The following ZNF254 variants were observed in gnomAD, a reference collection of about 807,000 sequenced individuals.
ZNF254 encodes the protein CTD-2017D11.1.
A neutral mutation model predicts 12.4 loss-of-function variants in ZNF254; 10 were observed. The ratio of observed to expected loss-of-function variants is 0.80; its 90% CI spans 0.50 to 1.36. The LOEUF (loss-of-function observed/expected upper bound fraction) is 1.36, where lower values mean the gene tolerates loss of function less well. ZNF254 is among the 40% of genes most tolerant of loss of function. The pLI, the probability that ZNF254 is intolerant of heterozygous loss-of-function variation, is 0.00. For synonymous variants in ZNF254, 305 were observed against 253.4 expected, an observed-to-expected ratio of 1.20 and a Z score of -1.93; for missense variants, 996 against 763.9, an observed-to-expected ratio of 1.30 and a Z score of -3.58.
At chr19:24,096,472 G>C (rs1313867921) in intron 1 of ZNF254, among the ~76,000 whole-genome samples, 2 of 152,098 alleles carry the variant, frequency 1.3e-5, no homozygotes, top group Non-Finnish European at 2.9e-5. Context: ...AATTGTATCA[G>C]TTGTTTTATT....
intron 3 of ZNF254, among the ~76,000 whole-genome samples, chr19:24,120,166 C>T (rs1974380911): frequency 6.6e-6 from 1 of 152,042 alleles, no homozygotes; most frequent in South Asian, 2.1e-4. Context: ...GGAAAACTGC[C>T]TTATAAAGCC....
chr19:24,037,335 C>A (rs945420888), intron 1 of ZNF254, among the ~76,000 whole-genome samples: 1 of 152,190 alleles, frequency 6.6e-6, no homozygotes, highest in African/African-American at 2.4e-5. Flanking sequence ...GTCATAAGAA[C>A]AGACAAAAAT....
At chr19:24,113,375 A>G (rs751973844) in intron 3 of ZNF254, among the ~76,000 whole-genome samples, 1 of 152,222 alleles carries the variant, frequency 6.6e-6, no homozygotes, top group South Asian at 2.1e-4. Context: ...GGCTGGTTCA[A>G]TATATGCCAA....
chr19:24,088,529 A>G (rs1599677542), intron 1 of ZNF254, among the ~76,000 whole-genome samples: 1 of 152,156 alleles, frequency 6.6e-6, no homozygotes, highest in East Asian at 1.9e-4. Flanking sequence ...GCTTGCAGGA[A>G]AATACTAAAT....
At chr19:24,042,109 C>A (rs866585262) in intron 1 of ZNF254, among the ~76,000 whole-genome samples, 1 of 108,274 alleles carries the variant, frequency 9.2e-6, no homozygotes, top group Non-Finnish European at 2.1e-5. Context: ...GGTTTGTAAA[C>A]ACACCAATCA....
At position 24,126,948 on chromosome 19, in the gene ZNF254, T is replaced by A. The variant is rs764440705; in HGVS notation, c.948T>A (p.His316Gln). The change falls in exon 4 of 4, where the codon CAT (histidine) becomes CAA (glutamine). Residue 316 changes from histidine (H) to glutamine (Q), a missense_variant. His to Gln is a conservative substitution (Grantham distance 24). Transcript: ENST00000357002. ...SSTLTEHKKI[H>Q]TRKKPYKCEE... is the part of the protein sequence containing the mutation. Reference sequence around the variant, plus strand: ...CCCTTACTGAGCATAAGAAAATTCATACTAGAAAGAAACCCTACAAGTGTG... The same window carrying A: ...CCCTTACTGAGCATAAGAAAATTCAAACTAGAAAGAAACCCTACAAGTGTG... The A allele has an allele frequency of 6.2e-7, 1 of 1,613,396 alleles. No homozygotes were observed. The highest frequency in any genetic ancestry group is 8.5e-7 in the Non-Finnish European group (1 of 1,179,738).
intron 1 of ZNF254, 152 bp from the exon 2 acceptor site, chr19:24,105,788 A>G (rs1973302724): frequency 7.9e-7 from 1 of 1,271,392 alleles, no homozygotes; most frequent in Non-Finnish European, 1.1e-6. Context: ...ACATTAGAAA[A>G]TGTTCATGTG....
intron 3 of ZNF254, among the ~76,000 whole-genome samples, chr19:24,120,231 C>A (rs1298680056): frequency 2.0e-5 from 3 of 152,082 alleles, no homozygotes; most frequent in African/African-American, 7.2e-5. Context: ...AAAACATCTG[C>A]CCCCATGATT....
intron 2 of ZNF254, among the ~76,000 whole-genome samples, chr19:24,060,298 C>T (rs1024042502): frequency 6.6e-6 from 1 of 152,204 alleles, no homozygotes; most frequent in African/African-American, 2.4e-5. Context: ...TTGCTGGTTT[C>T]AGCACCAAGC....
At chr19:24,087,481 A>G in intron 1 of ZNF254, 144 bp downstream of exon 1, 1 of 1,063,884 alleles carries the variant, frequency 9.4e-7, no homozygotes, top group Non-Finnish European at 1.4e-6. Flanking sequence ...CAGAAATAAG[A>G]TGGCGGCTGC....
intron 1 of ZNF254, 173 bp from the exon 2 acceptor site, chr19:24,105,767 A>C (rs1356495594): frequency 9.3e-7 from 1 of 1,080,816 alleles, no homozygotes; most frequent in African/African-American, 1.6e-5. Flanking sequence ...ATTTTCTCAG[A>C]GTTAGAGAAT....
chr19:24,050,677 T>C (rs1022202738), intron 2 of ZNF254, among the ~76,000 whole-genome samples: 3 of 152,184 alleles, frequency 2.0e-5, no homozygotes, highest in Non-Finnish European at 2.9e-5. Flanking sequence ...GTTGTGTGAC[T>C]CTCTTCTCCC....
rs771502710 is a variant in ZNF254, at chr19:24,127,386, C to T, written c.1386C>T (p.Tyr462=). ...HKRIHTREKP[Y]KCEECGKAFI... ...GAATTCATACTAGAGAGAAACCCTA[C>T]AAATGTGAAGAATGTGGCAAGGCAT... The change falls in exon 4 of 4, where the codon TAC becomes TAT. Residue 462 remains tyrosine, a synonymous_variant. Coordinates refer to ENST00000357002, the MANE Select transcript of ZNF254 (RefSeq NM_203282.4). 1.2e-6 allele frequency: 2 copies of T among 1,612,276 alleles called. No homozygotes were observed. The highest frequency in any genetic ancestry group is 1.1e-5 in the South Asian group (1 of 91,042).
At chr19:24,034,248 A>G (rs1969873762) in intron 1 of ZNF254, among the ~76,000 whole-genome samples, 1 of 151,624 alleles carries the variant, frequency 6.6e-6, no homozygotes, top group Admixed American at 6.6e-5. Context: ...AGCTAAGGAT[A>G]GTTTAGTTCT....
chr19:24,114,633 C>G (rs1306689663), intron 3 of ZNF254, among the ~76,000 whole-genome samples: 1 of 132,212 alleles, frequency 7.6e-6, no homozygotes, highest in East Asian at 2.1e-4. Context: ...GACTTCATGT[C>G]TAAAACACCA....
intron 1 of ZNF254, among the ~76,000 whole-genome samples, chr19:24,099,657 G>A (rs1972893770): frequency 6.6e-6 from 1 of 152,162 alleles, no homozygotes; most frequent in South Asian, 2.1e-4. Flanking sequence ...AATATAACCA[G>A]TTAGCATACA....
intron 1 of ZNF254, among the ~76,000 whole-genome samples, chr19:24,089,546 A>T (rs966910269): frequency 6.6e-6 from 1 of 152,034 alleles, no homozygotes; most frequent in African/African-American, 2.4e-5. Flanking sequence ...CTGTATTGGG[A>T]TAAACGAAGA....
upstream of ZNF254, among the ~76,000 whole-genome samples, chr19:24,086,676 C>T (rs528180311): frequency 1.3e-5 from 2 of 152,196 alleles, no homozygotes; most frequent in South Asian, 2.1e-4. Context: ...GAGGTTTCAC[C>T]ATGATAGTCA....
chr19:24,063,257 C>T (rs1971143196), intron 2 of ZNF254, among the ~76,000 whole-genome samples: 1 of 152,182 alleles, frequency 6.6e-6, no homozygotes, highest in Non-Finnish European at 1.5e-5. Context: ...ATCACAAGAC[C>T]TTTCTACAAG....
Sources: allele counts gnomAD v4.1 joint callset (sites outside exome capture counted in the v4.1 genomes callset), GRCh38; gene constraint gnomAD v4.1.1; transcripts MANE v1.5; gene names NCBI Gene and HGNC (gene_info 2026-07-23, HGNC 2026-07-21).